Variants in SLC1A2 observed in about 807,000 individuals in gnomAD.
SLC1A2 encodes excitatory amino acid transporter 2.
In SLC1A2, 15 loss-of-function variants were observed where a neutral mutation model predicts 48.8. The observed-to-expected ratio is 0.31, with a 90% CI of 0.21 to 0.47. The LOEUF (loss-of-function observed/expected upper bound fraction) is 0.47. SLC1A2 is among the 20% of genes least tolerant of loss of function. SLC1A2 has a pLI of 0.99. For missense variants in SLC1A2, 502 were observed against 730.5 expected (o/e 0.69, Z 3.61); for synonymous variants, 279 against 272.6 (o/e 1.02, Z -0.23).
intron 1 of SLC1A2, among the ~76,000 whole-genome samples, chr11:35,367,470 T>C (rs1373618836): frequency 6.6e-6 from 1 of 152,212 alleles, no homozygotes; most frequent in Non-Finnish European, 1.5e-5. Context: ...TATGGTTCAA[T>C]GAAGACCAAA....
chr11:35,255,559 T>C lies in SLC1A2; in HGVS notation c.*5335A>G, dbSNP rs777728179. 6.6e-6 allele frequency: 1 copy of C among 152,094 alleles called. No individual in the cohort carries two copies. Among genetic ancestry groups the C allele is most frequent in the Non-Finnish European group, 1.5e-5 (1 of 68,028 alleles). The allele number at this position is 152,094 out of a possible 1,614,324, so 9.4% of individuals were successfully genotyped here. On this transcript the variant is annotated 3_prime_UTR_variant, in exon 11 of 11. Transcript: ENST00000278379. ...AGTGTTGTACCAAATTTCAAAAGAG[T>C]GATCAAGGTTATTCACCAAAGGCTC...
chr11:35,288,015 C>T (rs567579916), intron 7 of SLC1A2, among the ~76,000 whole-genome samples: 3 of 152,148 alleles, frequency 2.0e-5, no homozygotes, highest in Non-Finnish European at 2.9e-5. Flanking sequence ...GTCAAAGTTT[C>T]CTCCTTCTAC....
intron 1 of SLC1A2, among the ~76,000 whole-genome samples, chr11:35,415,369 C>T (rs888724237): frequency 6.6e-6 from 1 of 152,176 alleles, no homozygotes; most frequent in South Asian, 2.1e-4. Context: ...TACTCACAAG[C>T]GACTGTCTTA....
At chr11:35,266,374 A>G (rs1237149996) in intron 9 of SLC1A2, among the ~76,000 whole-genome samples, 1 of 152,210 alleles carries the variant, frequency 6.6e-6, no homozygotes, top group Non-Finnish European at 1.5e-5. Context: ...CTCATTGACC[A>G]ATATGTGTTA....
Position 35,344,069 on chromosome 11 carries a change from G to A in SLC1A2, c.18-26553C>T, listed in dbSNP as rs371912870. ...TCATTAAAACTTTTTTTTTTTACAG[G>A]TGAGACCTAAGTATAATCAAAGTTA... On this transcript the variant is annotated intron_variant, in intron 1 of 10. Transcript: ENST00000278379. Among the ~76,000 whole-genome samples the A allele has an allele frequency of 8.6e-5, 13 of 151,478 alleles. No homozygotes were observed. In the East Asian group the frequency reaches 2.1e-3, roughly 25 times the overall value.
At chr11:35,377,479 GA>G (rs1402563116) in intron 1 of SLC1A2, among the ~76,000 whole-genome samples, 3 of 152,186 alleles carry the variant, frequency 2.0e-5, no homozygotes, top group Non-Finnish European at 4.4e-5. Context: ...ACCAAAGGGG[GA>G]TGATGATCAA....
intron 10 of SLC1A2, 90 bp downstream of exon 10, chr11:35,265,437 C>T (rs1950464644): frequency 1.4e-6 from 1 of 704,292 alleles, no homozygotes; most frequent in African/African-American, 1.8e-5. Flanking sequence ...GACAATAATA[C>T]ATGCAGGGCT....
chr11:35,386,762 C>G (rs1477975092), intron 1 of SLC1A2, among the ~76,000 whole-genome samples: 2 of 152,106 alleles, frequency 1.3e-5, no homozygotes, highest in Non-Finnish European at 2.9e-5. Context: ...TCACAACCAC[C>G]CCTAAATAAT....
chr11:35,372,776 A>C (rs1245518931), intron 1 of SLC1A2, among the ~76,000 whole-genome samples: 2 of 152,240 alleles, frequency 1.3e-5, no homozygotes, highest in African/African-American at 4.8e-5. Flanking sequence ...TAATTCTTGT[A>C]ATTATAATCA....
intron 1 of SLC1A2, chr11:35,392,201 T>TA (rs997429279): frequency 1.3e-5 from 2 of 152,188 alleles, no homozygotes; most frequent in Admixed American, 6.5e-5. Context: ...TTTGTACAAT[T>TA]AAAAAAATGC....
chr11:35,274,164 G>A (rs1222683421), intron 9 of SLC1A2, among the ~76,000 whole-genome samples: 1 of 152,224 alleles, frequency 6.6e-6, no homozygotes, highest in African/African-American at 2.4e-5. Context: ...TTCAACAGTC[G>A]ATGAAGGGGA....
chr11:35,305,013 C>G (rs1489062296), intron 5 of SLC1A2, among the ~76,000 whole-genome samples: 1 of 152,168 alleles, frequency 6.6e-6, no homozygotes, highest in Non-Finnish European at 1.5e-5. Context: ...AGCTGTCATC[C>G]AAACCTTTAG....
chr11:35,386,393 T>A (rs1854585059), intron 1 of SLC1A2, among the ~76,000 whole-genome samples: 1 of 152,150 alleles, frequency 6.6e-6, no homozygotes, highest in Non-Finnish European at 1.5e-5. Context: ...CAGATACCTG[T>A]AGACGTTGAC....
chr11:35,404,280 C>G (rs1283745701), intron 1 of SLC1A2: 1 of 152,222 alleles, frequency 6.6e-6, no homozygotes, highest in Non-Finnish European at 1.5e-5. Flanking sequence ...CACCTTAAAA[C>G]ATTTTTCAAT....
intron 1 of SLC1A2, among the ~76,000 whole-genome samples, chr11:35,385,045 T>C (rs1309157024): frequency 1.3e-5 from 2 of 152,202 alleles, no homozygotes; most frequent in Non-Finnish European, 2.9e-5. Flanking sequence ...TAAAAATGTA[T>C]GCATATGCTG....
chr11:35,353,955 C>T (rs1853362860), intron 1 of SLC1A2, among the ~76,000 whole-genome samples: 1 of 152,146 alleles, frequency 6.6e-6, no homozygotes, highest in African/African-American at 2.4e-5. Flanking sequence ...AGGATTTCAA[C>T]AGACAGCACT....
intron 9 of SLC1A2, among the ~76,000 whole-genome samples, chr11:35,274,696 C>A (rs1850385225): frequency 6.6e-6 from 1 of 152,156 alleles, no homozygotes; most frequent in Non-Finnish European, 1.5e-5. Flanking sequence ...CAGTTAATAT[C>A]CACTAAATTG....
intron 1 of SLC1A2, among the ~76,000 whole-genome samples, chr11:35,326,864 C>T (rs1455550421): frequency 6.6e-6 from 1 of 152,124 alleles, no homozygotes; most frequent in African/African-American, 2.4e-5. Context: ...CAGATTTAAG[C>T]CAGAAACTCA....
chr11:35,411,417 A>G (rs1565310996), intron 1 of SLC1A2, among the ~76,000 whole-genome samples: 3 of 152,192 alleles, frequency 2.0e-5, no homozygotes, highest in Non-Finnish European at 4.4e-5. Context: ...TTCCTAAGAA[A>G]TCTATCAGAT....
Sources: allele counts gnomAD v4.1 joint callset (sites outside exome capture counted in the v4.1 genomes callset), GRCh38; gene constraint gnomAD v4.1.1; transcripts MANE v1.5; gene names NCBI Gene and HGNC (gene_info 2026-07-23, HGNC 2026-07-21).